The following JAZF1 variants were observed in gnomAD, a reference collection of about 807,000 sequenced individuals.
JAZF1 encodes JAZF zinc finger 1.
In JAZF1, 8 loss-of-function variants were observed where a neutral mutation model predicts 26.4. That is an observed-to-expected ratio of 0.30 (90% CI 0.18 to 0.55). The LOEUF is 0.55. Ranked by LOEUF, JAZF1 falls within the 20% of genes least tolerant of loss-of-function variation. JAZF1 has a pLI of 0.94. For missense variants in JAZF1, 199 were observed against 322.0 expected (o/e 0.62, Z 2.92); for synonymous variants, 126 against 122.3 (o/e 1.03, Z -0.20).
At chr7:28,040,069 T>C (rs1405816301) in intron 1 of JAZF1, among the ~76,000 whole-genome samples, 2 of 152,212 alleles carry the variant, frequency 1.3e-5, no homozygotes, top group Non-Finnish European at 2.9e-5. Context: ...TAAAAAATGC[T>C]GAGAGTCCAG....
intron 2 of JAZF1, among the ~76,000 whole-genome samples, chr7:27,978,351 A>G (rs11983606): frequency 0.028 from 4,238 of 152,276 alleles, 195 homozygotes; most frequent in African/African-American, 0.097. Flanking sequence ...AAATGTGGGA[A>G]AAACAGTGAT....
chr7:27,845,896 C>T (rs1783020698), intron 3 of JAZF1, among the ~76,000 whole-genome samples: 1 of 151,998 alleles, frequency 6.6e-6, no homozygotes, highest in South Asian at 2.1e-4. Flanking sequence ...CTCCCTCTCT[C>T]CTCTACCCCA....
At chr7:28,139,987 G>A (rs892723411) in intron 1 of JAZF1, among the ~76,000 whole-genome samples, 1 of 152,144 alleles carries the variant, frequency 6.6e-6, no homozygotes, top group Admixed American at 6.5e-5. Flanking sequence ...GGAGGTTGGG[G>A]AGGGAGACTA....
chr7:28,119,777 C>T (rs1296747249), intron 1 of JAZF1, among the ~76,000 whole-genome samples: 2 of 152,184 alleles, frequency 1.3e-5, no homozygotes, highest in Non-Finnish European at 2.9e-5. Flanking sequence ...GTGCCAGATG[C>T]TATTCTGGGC....
intron 1 of JAZF1, among the ~76,000 whole-genome samples, chr7:28,043,542 T>A: frequency 6.6e-6 from 1 of 152,284 alleles, no homozygotes; most frequent in South Asian, 2.1e-4. Context: ...AGTTAAACGT[T>A]GCTCTAAAAT....
chr7:28,097,593 A>G (rs923660013), intron 1 of JAZF1, among the ~76,000 whole-genome samples: 3 of 152,238 alleles, frequency 2.0e-5, no homozygotes, highest in African/African-American at 7.2e-5. Flanking sequence ...TGTGTTCTGA[A>G]GCAAGAAATG....
At chr7:27,865,845 C>G (rs748117161) in intron 3 of JAZF1, among the ~76,000 whole-genome samples, 67 of 152,306 alleles carry the variant, frequency 4.4e-4, no homozygotes, top group Admixed American at 1.2e-3. Context: ...GCAGAAGATT[C>G]CCAGCTGATT....
rs1455238457 is a variant in JAZF1 at position 27,960,020 on chromosome 7, A to C, written c.188+31889T>G. ...TGTACCAACGTACTGGGGGTCTAAA[A>C]TGAGGTTAGAGTGAAATACTGCTAC... is the stretch of plus-strand genomic sequence containing the variant. On this transcript the variant is annotated intron_variant, in intron 2 of 4. Transcript: ENST00000283928. Among the ~76,000 whole-genome samples, 5 of 152,322 alleles carry C rather than the reference A, an allele frequency of 3.3e-5. No individual in the cohort carries two copies. The East Asian group carries it at 9.6e-4, about 29-fold the overall frequency.
intron 1 of JAZF1, among the ~76,000 whole-genome samples, chr7:28,073,771 G>A (rs1475244376): frequency 6.6e-6 from 1 of 152,164 alleles, no homozygotes; most frequent in East Asian, 1.9e-4. Context: ...ACATGCAGAA[G>A]TCCCTGGATG....
chr7:28,170,699 G>A (rs753538202), intron 1 of JAZF1, among the ~76,000 whole-genome samples: 25 of 151,940 alleles, frequency 1.6e-4, no homozygotes, highest in Admixed American at 1.4e-3. Context: ...TGCTCCCATC[G>A]ACACTGCTCT....
At position 27,964,270 on chromosome 7, in the gene JAZF1, G is replaced by T. The variant is rs1477117686; in HGVS notation, c.188+27639C>A. On this transcript the variant is annotated intron_variant, in intron 2 of 4. Coordinates refer to ENST00000283928, the MANE Select transcript of JAZF1 (RefSeq NM_175061.4). ...CTAAAGGGAAAAAGATCCATTAGGT[G>T]GATCTTTTTTGGAACAATGAAAAAT... Among the ~76,000 whole-genome samples the T allele has an allele frequency of 2.0e-5, 3 of 151,058 alleles. No homozygotes were observed. The East Asian group carries it at 5.9e-4, about 30-fold the overall frequency.
At chr7:28,130,780 T>G (rs1782781069) in intron 1 of JAZF1, among the ~76,000 whole-genome samples, 2 of 152,206 alleles carry the variant, frequency 1.3e-5, no homozygotes. Flanking sequence ...GGGTGCTCGC[T>G]CACTATTCCT....
intron 3 of JAZF1, among the ~76,000 whole-genome samples, chr7:27,856,612 A>G (rs1334209916): frequency 6.6e-6 from 1 of 152,166 alleles, no homozygotes; most frequent in African/African-American, 2.4e-5. Context: ...TGCGTTTACA[A>G]TCCCTTAGCT....
Position 27,840,625 on chromosome 7 carries a change from A to G in JAZF1, c.555+73T>C. On this transcript the variant is annotated intron_variant, in intron 4 of 4. Transcript: ENST00000283928. The surrounding 1 kb of genome is among the most constrained non-coding windows in gnomAD (Gnocchi z 5.1). Reference sequence around the variant, plus strand: ...CCCATACGCTCGCTTTAAAATCAAGAAAGGGCTGCTGCCTTCCATGAAGCT... The same window carrying G: ...CCCATACGCTCGCTTTAAAATCAAGGAAGGGCTGCTGCCTTCCATGAAGCT... The G allele has an allele frequency of 2.0e-5, 30 of 1,490,782 alleles. No individual in the cohort carries two copies. In the South Asian group the frequency reaches 2.7e-4, roughly 13 times the overall value. The allele number at this position is 1,490,782 out of a possible 1,614,324, so 92.3% of individuals were successfully genotyped here. A position where few individuals can be genotyped will look rare whatever the true frequency, so the allele number is the denominator to read the frequency against.
intron 3 of JAZF1, among the ~76,000 whole-genome samples, chr7:27,854,388 T>G (rs151320177): frequency 0.012 from 1,863 of 152,384 alleles, 14 homozygotes; most frequent in Non-Finnish European, 0.015. Context: ...AATATTGTTA[T>G]GTATGAATTT....
chr7:28,151,104 TA>T (rs1562604423), intron 1 of JAZF1, among the ~76,000 whole-genome samples: 2,591 of 98,152 alleles, frequency 0.026, 94 homozygotes, highest in African/African-American at 0.074. Context: ...GATATATATA[TA>T]TATATATTTT....
In JAZF1 at chr7:28,129,842, G is replaced by A. The variant is rs143836237; in HGVS notation, c.115+50621C>T. On this transcript the variant is annotated intron_variant, in intron 1 of 4. Transcript: ENST00000283928. ...CATTTTCCCAGATAACGTGCTGGCT[G>A]TTTCCAAATACATTTTTTTTTAATA... Among the ~76,000 whole-genome samples the A allele has an allele frequency of 2.0e-4, 31 of 152,214 alleles. No homozygotes were observed. In the East Asian group the frequency reaches 5.8e-3, roughly 29 times the overall value.
At position 27,994,483 on chromosome 7, in the gene JAZF1, A is replaced by C. The variant is rs1785974447; in HGVS notation, c.116-2502T>G. 2.0e-5 allele frequency among the ~76,000 whole-genome samples: 3 copies of C among 152,016 alleles called. No homozygotes were observed. The South Asian group carries it at 6.2e-4, about 32-fold the overall frequency. ...AAAACAAAAAAAAACACACACACAC[A>C]AAAAACCATTTGGAAGCACCTCAGG... On this transcript the variant is annotated intron_variant, in intron 1 of 4. Transcript: ENST00000283928.
intron 1 of JAZF1, among the ~76,000 whole-genome samples, chr7:28,146,617 A>C (rs1783032614): frequency 6.6e-6 from 1 of 152,226 alleles, no homozygotes; most frequent in Admixed American, 6.5e-5. Flanking sequence ...ATAAGCCCTT[A>C]AATAGAGTTG....
Sources: gnomAD v4.1 joint callset for allele counts (sites outside exome capture counted in the v4.1 genomes callset) on GRCh38, gnomAD v4.1.1 for gene constraint, Gnocchi (gnomAD v3.1) non-coding constraint, MANE v1.5 for transcripts, NCBI Gene and HGNC (gene_info 2026-07-23, HGNC 2026-07-21) for gene names.